Variants in ABCB11 observed in about 807,000 individuals in gnomAD.
ABCB11 encodes ATP binding cassette subfamily B member 11.
A neutral mutation model predicts 148.0 loss-of-function variants in ABCB11; 95 were observed. The observed-to-expected ratio is 0.64, with a 90% CI of 0.54 to 0.76. The LOEUF (loss-of-function observed/expected upper bound fraction) is 0.76, where lower values mean the gene tolerates loss of function less well. Ranked by LOEUF, ABCB11 falls within the 30% of genes least tolerant of loss-of-function variation. The pLI is 0.00. For missense variants in ABCB11, 1,523 were observed against 1,617.8 expected, an observed-to-expected ratio of 0.94 and a Z score of 1.01; for synonymous variants, 591 against 555.4, an observed-to-expected ratio of 1.06 and a Z score of -0.90.
chr2:169,029,559 G>A (rs533432737), intron 1 of ABCB11, among the ~76,000 whole-genome samples: 3 of 152,166 alleles, frequency 2.0e-5, no homozygotes, highest in African/African-American at 7.2e-5. Context: ...ATGGCTGATA[G>A]GGAAGGGAAA....
intron 18 of ABCB11, among the ~76,000 whole-genome samples, chr2:168,961,736 A>G (rs1011259065): frequency 4.6e-5 from 7 of 151,710 alleles, no homozygotes; most frequent in Admixed American, 2.6e-4. Context: ...CATCTCTGTC[A>G]CCAACTAACC....
intron 1 of ABCB11, among the ~76,000 whole-genome samples, chr2:169,030,136 C>G (rs560722419): frequency 2.0e-5 from 3 of 152,128 alleles, no homozygotes; most frequent in Non-Finnish European, 4.4e-5. Context: ...CTTTTAAAAC[C>G]ACAAAATGGG....
intron 16 of ABCB11, among the ~76,000 whole-genome samples, chr2:168,969,129 AAAGG>A (rs1558893707): frequency 6.7e-6 from 1 of 148,198 alleles, no homozygotes; most frequent in Non-Finnish European, 1.5e-5. Flanking sequence ...AAAAAAAAAA[AAAGG>A]GGGGGATGGA....
At chr2:168,964,174 C>T in intron 18 of ABCB11, 32 bp downstream of exon 18, 1 of 1,494,908 alleles carries the variant, frequency 6.7e-7, no homozygotes, top group South Asian at 1.2e-5. Flanking sequence ...GAGACTTCTT[C>T]CATTCCCCCC....
chr2:168,933,256 A>G (rs940023009), intron 23 of ABCB11, among the ~76,000 whole-genome samples: 1 of 152,228 alleles, frequency 6.6e-6, no homozygotes, highest in Non-Finnish European at 1.5e-5. Flanking sequence ...TAATAGGTAT[A>G]TAAAAGATAA....
chr2:169,024,185 C>A (rs1440010051), intron 1 of ABCB11, among the ~76,000 whole-genome samples: 2 of 151,846 alleles, frequency 1.3e-5, no homozygotes. Flanking sequence ...GCATGTGTAC[C>A]CCAGAACTTA....
intron 5 of ABCB11, among the ~76,000 whole-genome samples, chr2:169,011,596 G>A (rs1695189392): frequency 6.6e-6 from 1 of 152,126 alleles, no homozygotes; most frequent in African/African-American, 2.4e-5. Flanking sequence ...GTACCTCCAA[G>A]TCTGTCACTG....
chr2:168,969,133 G>T (rs923590348), intron 16 of ABCB11, among the ~76,000 whole-genome samples: 3,883 of 139,540 alleles, frequency 0.028, 155 homozygotes, highest in African/African-American at 0.095. Context: ...AAAAAAAAAG[G>T]GGGGGATGGA....
downstream of ABCB11, among the ~76,000 whole-genome samples, chr2:168,916,533 T>C (rs1425597261): frequency 6.6e-6 from 1 of 152,232 alleles, no homozygotes; most frequent in Non-Finnish European, 1.5e-5. Flanking sequence ...TGGCCAGTGC[T>C]AATTAGATGA....
intron 11 of ABCB11, among the ~76,000 whole-genome samples, chr2:168,977,419 C>T (rs1470883547): frequency 6.6e-6 from 1 of 152,076 alleles, no homozygotes; most frequent in Non-Finnish European, 1.5e-5. Flanking sequence ...ATGATGTGTT[C>T]AAATGCTACC....
chr2:168,959,903 G>A (rs778789004), intron 18 of ABCB11, among the ~76,000 whole-genome samples: 4 of 132,704 alleles, frequency 3.0e-5, no homozygotes, highest in Admixed American at 8.9e-5. Context: ...CTGGTTCAGG[G>A]TACTCGTGTG....
intron 19 of ABCB11, among the ~76,000 whole-genome samples, chr2:168,950,558 G>A (rs1692518688): frequency 6.6e-6 from 1 of 151,540 alleles, no homozygotes; most frequent in South Asian, 2.1e-4. Flanking sequence ...TTTTTTTAAT[G>A]TTTGTTGGCT....
At chr2:168,923,975 C>T (rs551073880) in intron 27 of ABCB11, among the ~76,000 whole-genome samples, 153 bp from the exon 28 acceptor site, 1 of 152,300 alleles carries the variant, frequency 6.6e-6, no homozygotes, top group South Asian at 2.1e-4. Context: ...CAAGTATTCC[C>T]TGAATGCAAT....
At chr2:169,029,897 C>T (rs903650769) in intron 1 of ABCB11, among the ~76,000 whole-genome samples, 5 of 146,060 alleles carry the variant, frequency 3.4e-5, no homozygotes, top group Admixed American at 2.0e-4. Context: ...CCCGCCACCG[C>T]GCCCGGCTAA....
intron 17 of ABCB11, among the ~76,000 whole-genome samples, chr2:168,964,908 A>G (rs937133490): frequency 1.3e-5 from 2 of 151,862 alleles, no homozygotes; most frequent in Non-Finnish European, 2.9e-5. Flanking sequence ...CTTATTGGGC[A>G]TCTACAACTT....
intron 19 of ABCB11, among the ~76,000 whole-genome samples, chr2:168,951,443 T>C (rs988527833): frequency 6.6e-6 from 1 of 151,682 alleles, no homozygotes; most frequent in African/African-American, 2.4e-5. Context: ...CAGTGTTTTG[T>C]GGTCCTCCTT....
chr2:168,985,512 A>C (rs1299780325), intron 10 of ABCB11, among the ~76,000 whole-genome samples: 3 of 152,148 alleles, frequency 2.0e-5, no homozygotes, highest in Non-Finnish European at 4.4e-5. Flanking sequence ...CCCATCAATC[A>C]ACAAGTGGAT....
chr2:168,965,934 A>G (rs1693296218), intron 17 of ABCB11, among the ~76,000 whole-genome samples: 1 of 151,794 alleles, frequency 6.6e-6, no homozygotes, highest in East Asian at 2.0e-4. Flanking sequence ...CCCAGGTTCA[A>G]CACCATGCAG....
rs1574390273 is a variant in ABCB11 at position 168,924,806 on chromosome 2, GA to G, written c.3619-4del. Reference sequence around the variant, plus strand: ...GACCCAACGTTAGTTTCATATTTCTGAAAAAAAGTATGATAAGTTTGAGAAA... The same window carrying G: ...GACCCAACGTTAGTTTCATATTTCTGAAAAAAGTATGATAAGTTTGAGAAA... On this transcript the variant is annotated splice_region_variant and splice_polypyrimidine_tract_variant and intron_variant, in intron 26 of 27. Coordinates refer to ENST00000650372, the MANE Select transcript of ABCB11 (RefSeq NM_003742.4). 3.1e-6 allele frequency: 5 copies of G among 1,605,198 alleles called. No homozygotes were observed. The highest frequency in any genetic ancestry group is 4.2e-6 in the Non-Finnish European group (5 of 1,176,688).
Sources: allele counts gnomAD v4.1 joint callset (sites outside exome capture counted in the v4.1 genomes callset), GRCh38; gene constraint gnomAD v4.1.1; transcripts MANE v1.5; gene names NCBI Gene and HGNC (gene_info 2026-07-23, HGNC 2026-07-21).